The following UNK variants were observed in gnomAD, a reference collection of about 807,000 sequenced individuals.
UNK encodes the protein unk zinc finger.
In UNK, 32 loss-of-function variants were observed where a neutral mutation model predicts 97.6. The observed-to-expected ratio is 0.33, with a 90% CI of 0.25 to 0.44. The LOEUF is 0.44. Among genes scored for constraint, UNK ranks in the 20% least tolerant of loss-of-function variants. The pLI, the probability that UNK is intolerant of heterozygous loss-of-function variation, is 1.00. For missense variants in UNK, 771 were observed against 1,098.4 expected (o/e 0.70, Z 4.21); for synonymous variants, 441 against 461.2 (o/e 0.96, Z 0.56).
rs553575218 is a variant in UNK at position 75,799,154 on chromosome 17, A to G, written c.105-10606A>G. 8.5e-5 allele frequency among the ~76,000 whole-genome samples: 13 copies of G among 152,202 alleles called. No homozygotes were observed. The East Asian group carries it at 2.5e-3, about 29-fold the overall frequency. ...GGCGAAACCTCATCTCTACAAAAAA[A>G]TACAAAAATTAGCTGGGTGGGGTGG... On this transcript the variant is annotated intron_variant, in intron 1 of 15. Coordinates refer to ENST00000589666, the MANE Select transcript of UNK (RefSeq NM_001080419.3).
At position 75,812,550 on chromosome 17, in the gene UNK, T is replaced by C; in HGVS notation, c.587T>C (p.Ile196Thr). The C allele has an allele frequency of 1.2e-6, 2 of 1,613,128 alleles. No individual in the cohort carries two copies. The highest frequency in any genetic ancestry group is 1.7e-6 in the Non-Finnish European group (2 of 1,179,828). The change falls in exon 4 of 16, where the codon ATA (isoleucine) becomes ACA (threonine). Residue 196 changes from isoleucine (I) to threonine (T), a missense_variant. By Grantham distance (89) the Ile-to-Thr change is moderately conservative (BLOSUM62 -1). This residue lies in a region of UNK where 246 missense variants were observed against 440.7 expected (regional missense o/e 0.56). Coordinates refer to ENST00000589666, the MANE Select transcript of UNK (RefSeq NM_001080419.3). Reference protein sequence around the residue: ...QSAGAASHAMIEKILSEEPRW... With the variant: ...QSAGAASHAMTEKILSEEPRW... Reference sequence around the variant, plus strand: ...GCTGGGGCTGCGAGCCATGCCATGATAGAAAAGATCCTCAGCGAGGAGCCT... The same window carrying C: ...GCTGGGGCTGCGAGCCATGCCATGACAGAAAAGATCCTCAGCGAGGAGCCT...
intron 1 of UNK, among the ~76,000 whole-genome samples, chr17:75,804,629 G>T (rs2061893614): frequency 6.6e-6 from 1 of 150,872 alleles, no homozygotes; most frequent in South Asian, 2.1e-4. Context: ...CCTGAGGTCA[G>T]GAGTTCAAGA....
intron 1 of UNK, among the ~76,000 whole-genome samples, chr17:75,795,659 G>A (rs1475393196): frequency 6.6e-6 from 1 of 152,080 alleles, no homozygotes; most frequent in Non-Finnish European, 1.5e-5. Context: ...TTTGGATAAA[G>A]TCAAGGTATT....
At chr17:75,820,200 C>A in intron 13 of UNK, 92 bp downstream of exon 13, 1 of 1,379,228 alleles carries the variant, frequency 7.3e-7, no homozygotes, top group Non-Finnish European at 9.9e-7. Flanking sequence ...GGCATATCAG[C>A]TAGGCTGGGG....
At chr17:75,813,027 G>A in intron 4 of UNK, 51 bp from the exon 5 acceptor site, 2 of 1,532,380 alleles carry the variant, frequency 1.3e-6, no homozygotes, top group African/African-American at 1.4e-5. Flanking sequence ...GCTAGTCTTG[G>A]GGTGCTCCAG....
chr17:75,804,597 GGAGGTT>G (rs1192955614), intron 1 of UNK, among the ~76,000 whole-genome samples: 1 of 152,146 alleles, frequency 6.6e-6, no homozygotes, highest in East Asian at 1.9e-4. Flanking sequence ...CAGCACATTG[GGAGGTT>G]GAGGCGGGCG....
rs1373793353 is a variant in UNK at position 75,824,402 on chromosome 17, C to T, written c.2418C>T (p.His806=). 4 of 1,554,818 alleles carry T rather than the reference C, an allele frequency of 2.6e-6. No homozygotes were observed. Among genetic ancestry groups the T allele is most frequent in the African/African-American group, 2.7e-5 (2 of 72,782 alleles). ...ECPICQPGRA[H]TLQS is the part of the protein sequence containing the mutation. ...CCATCTGCCAGCCTGGCCGGGCCCA[C>T]ACCCTCCAGTCGTGACCCTGCAGGC... is the stretch of plus-strand genomic sequence containing the variant. The change falls in exon 16 of 16, where the codon CAC becomes CAT. Residue 806 remains histidine (H), a synonymous_variant. Transcript: ENST00000589666. This position sits in a 1 kb window ranked among gnomAD's most constrained non-coding sequence, Gnocchi z 4.9.
intron 1 of UNK, chr17:75,793,705 T>C: frequency 3.0e-6 from 3 of 985,458 alleles, no homozygotes; most frequent in Non-Finnish European, 3.6e-6. Context: ...ATAAGTTGAC[T>C]CATTTGTTTC....
At chr17:75,790,729 G>A (rs1490015950) in intron 1 of UNK, among the ~76,000 whole-genome samples, 2 of 151,950 alleles carry the variant, frequency 1.3e-5, no homozygotes, top group Non-Finnish European at 1.5e-5. Context: ...TCAGGAGTTC[G>A]GGACCAGCCT....
chr17:75,793,391 T>C (rs759784278), intron 1 of UNK: 9 of 983,730 alleles, frequency 9.1e-6, no homozygotes, highest in Non-Finnish European at 1.1e-5. Context: ...AACAAACTTT[T>C]TATTATTTCT....
rs1291994782 is a variant in UNK, at chr17:75,792,563, C to A, written c.104+7579C>A. 1.5e-5 allele frequency: 12 copies of A among 823,356 alleles called. No individual in the cohort carries two copies. The African/African-American group carries it at 2.0e-4, about 14-fold the overall frequency. 51.0% of individuals were successfully genotyped at this position (823,356 alleles called of 1,614,324 possible). A position where few individuals can be genotyped will look rare whatever the true frequency, so the allele number is the denominator to read the frequency against. On this transcript the variant is annotated intron_variant, in intron 1 of 15. Transcript: ENST00000589666. ...AATGCCAAGAATTTAGGTTTACTAT[C>A]CCTCTGGACAATGTAGCTTCTTGTT...
At position 75,820,026 on chromosome 17, in the gene UNK, G is replaced by A. The variant is rs559521956; in HGVS notation, c.1755G>A (p.Ser585=). The change falls in exon 13 of 16, where the codon TCG becomes TCA. Residue 585 remains serine, a synonymous_variant. Transcript: ENST00000589666. Reference sequence around the variant, plus strand: ...CGTCCCCTCCCGTCAGCCTCTCCTCGCATTTCCTGCAGCAGCCCCAGGGCC... The same window carrying A: ...CGTCCCCTCCCGTCAGCCTCTCCTCACATTTCCTGCAGCAGCCCCAGGGCC... The part of the protein sequence containing the change: ...ASPSPPVSLS[S]HFLQQPQGHL... The A allele has an allele frequency of 1.7e-5, 28 of 1,613,856 alleles. No individual in the cohort carries two copies. Among genetic ancestry groups the A allele is most frequent in the South Asian group, 4.4e-5 (4 of 91,086 alleles).
chr17:75,797,493 C>G (rs2061817250), intron 1 of UNK, among the ~76,000 whole-genome samples: 1 of 152,236 alleles, frequency 6.6e-6, no homozygotes, highest in African/African-American at 2.4e-5. Flanking sequence ...CCTTGGCTGT[C>G]CGAAGTGCTG....
Position 75,802,242 on chromosome 17 carries a change from C to CTTTTTTTTTT in UNK, c.105-7493_105-7484dup, listed in dbSNP as rs56221993. Among the ~76,000 whole-genome samples the CTTTTTTTTTT allele has an allele frequency of 3.8e-4, 18 of 47,260 alleles. 5 individuals carry two copies. The highest frequency in any genetic ancestry group is 3.7e-3 in the East Asian group (4 of 1,094). The allele number at this position is 47,260 out of a possible 152,430, so 31.0% of individuals were successfully genotyped here. On this transcript the variant is annotated intron_variant, in intron 1 of 15. Transcript: ENST00000589666. The stretch of plus-strand genomic sequence containing the variant: ...TGATGGATTTTTTCAGCACAGATGT[C>CTTTTTTTTTT]TTTTTTTTTTTTTTTTTTTTTTTTT...
intron 1 of UNK, among the ~76,000 whole-genome samples, chr17:75,791,544 C>A (rs1567793404): frequency 6.6e-6 from 1 of 152,196 alleles, no homozygotes; most frequent in Non-Finnish European, 1.5e-5. Context: ...ATTTCTGGAT[C>A]TTATTTACTT....
chr17:75,792,539 A>G, intron 1 of UNK: 2 of 955,034 alleles, frequency 2.1e-6, no homozygotes, highest in Non-Finnish European at 2.5e-6. Flanking sequence ...ATTGCTAACA[A>G]TGCCAAGAAT....
Position 75,823,428 on chromosome 17 carries a change from CCCTG to C in UNK, c.2186_2189del (p.Leu729ProfsTer38), listed in dbSNP as rs2062088251. The C allele has an allele frequency of 6.3e-7, 1 of 1,593,542 alleles. No homozygotes were observed. Among genetic ancestry groups the C allele is most frequent in the Non-Finnish European group, 8.6e-7 (1 of 1,168,926 alleles). On this transcript the variant is annotated frameshift_variant, in exon 15 of 16. Coordinates refer to ENST00000589666, the MANE Select transcript of UNK (RefSeq NM_001080419.3). LOFTEE classifies it high-confidence loss of function. Reference sequence around the variant, plus strand: ...CTACACGCGGGGCCTGAGCCCCAGGCCCTGCCCGCCTTCTCCGACCTGGAGGCGC... The same window carrying C: ...CTACACGCGGGGCCTGAGCCCCAGGCCCCGCCTTCTCCGACCTGGAGGCGC...
chr17:75,790,014 G>A (rs1229780693), intron 1 of UNK, among the ~76,000 whole-genome samples: 1 of 152,076 alleles, frequency 6.6e-6, no homozygotes, highest in African/African-American at 2.4e-5. Context: ...ATGGTGGCGG[G>A]CGCCTGTAAT....
At chr17:75,810,557 C>G (rs1378993828) in intron 2 of UNK, among the ~76,000 whole-genome samples, 1 of 152,166 alleles carries the variant, frequency 6.6e-6, no homozygotes, top group East Asian at 1.9e-4. Flanking sequence ...TTCGTCAGCC[C>G]TCTTTCTTTT....
Sources: gnomAD v4.1 joint callset for allele counts (sites outside exome capture counted in the v4.1 genomes callset) on GRCh38, gnomAD v4.1.1 for gene constraint, gnomAD v4.1.1 regional missense constraint, Gnocchi (gnomAD v3.1) non-coding constraint, MANE v1.5 for transcripts, NCBI Gene and HGNC (gene_info 2026-07-23, HGNC 2026-07-21) for gene names.